Variants in WLS observed in about 807,000 individuals in gnomAD.
WLS encodes the protein Wnt ligand secretion mediator.
Under a neutral mutation model 62.8 loss-of-function variants are expected in WLS, and 23 were observed. The ratio of observed to expected loss-of-function variants is 0.37; its 90% CI spans 0.26 to 0.52. The LOEUF (loss-of-function observed/expected upper bound fraction) is 0.52, where lower values mean the gene tolerates loss of function less well. Among genes scored for constraint, WLS ranks in the 20% least tolerant of loss-of-function variants. The pLI, the probability that WLS is intolerant of heterozygous loss-of-function variation, is 0.92. For synonymous variants in WLS, 246 were observed against 244.1 expected, an observed-to-expected ratio of 1.01 and a Z score of -0.07; for missense variants, 615 against 697.3, an observed-to-expected ratio of 0.88 and a Z score of 1.33.
chr1:68,165,313 G>T (rs1432524332), intron 2 of WLS, among the ~76,000 whole-genome samples: 1 of 152,070 alleles, frequency 6.6e-6, no homozygotes, highest in Non-Finnish European at 1.5e-5. Flanking sequence ...CACTTTTAAA[G>T]GGTCCCACTC....
chr1:68,106,928 A>G (rs1021537622), intron 11 of WLS, among the ~76,000 whole-genome samples: 2 of 152,204 alleles, frequency 1.3e-5, no homozygotes, highest in East Asian at 3.9e-4. Flanking sequence ...AACTAAATGT[A>G]TACCTTACTG....
At chr1:68,164,861 C>G (rs1267464775) in intron 2 of WLS, among the ~76,000 whole-genome samples, 1 of 152,070 alleles carries the variant, frequency 6.6e-6, no homozygotes, top group Admixed American at 6.5e-5. Flanking sequence ...ATATGTAGAC[C>G]CAGGGCTGGA....
At chr1:68,226,715 G>A (rs569219952) in intron 1 of WLS, among the ~76,000 whole-genome samples, 60 of 152,116 alleles carry the variant, frequency 3.9e-4, no homozygotes, top group Middle Eastern at 6.8e-3. Flanking sequence ...ACCCCGTGTC[G>A]GCATGTAGCC....
At chr1:68,101,826 A>G (rs1325135243) in intron 11 of WLS, among the ~76,000 whole-genome samples, 1 of 152,264 alleles carries the variant, frequency 6.6e-6, no homozygotes, top group Non-Finnish European at 1.5e-5. Context: ...TTTAACAAGG[A>G]AAATGATAAA....
intron 1 of WLS, among the ~76,000 whole-genome samples, chr1:68,230,299 A>G (rs1223116937): frequency 3.3e-5 from 5 of 152,162 alleles, no homozygotes; most frequent in Non-Finnish European, 7.3e-5. Flanking sequence ...GACAGGGATA[A>G]TAGGCCAATT....
intron 10 of WLS, chr1:68,142,843 G>T (rs539255413): frequency 6.6e-6 from 1 of 152,272 alleles, no homozygotes; most frequent in South Asian, 2.1e-4. Context: ...TCCTTGGATA[G>T]AATTCAAGGG....
Position 68,154,610 on chromosome 1 carries a change from A to G in WLS, c.666+489T>C, listed in dbSNP as rs183772031. 3.9e-5 allele frequency among the ~76,000 whole-genome samples: 6 copies of G among 152,324 alleles called. No homozygotes were observed. In the East Asian group the frequency reaches 1.2e-3, roughly 29 times the overall value. ...TGATTATTTCTCTAAATAGTAGGAC[A>G]TTACAGGTAATTATTATGCTTTTCT... On this transcript the variant is annotated intron_variant, in intron 4 of 11. Coordinates refer to ENST00000262348, the MANE Select transcript of WLS (RefSeq NM_024911.7).
intron 2 of WLS, among the ~76,000 whole-genome samples, chr1:68,165,246 T>C (rs1350166176): frequency 1.3e-5 from 2 of 152,184 alleles, no homozygotes; most frequent in African/African-American, 4.8e-5. Flanking sequence ...ACACTAGCCT[T>C]AGACACAGGC....
chr1:68,120,325 G>C lies in WLS; in HGVS notation c.1510+17455C>G, dbSNP rs113225396. Among the ~76,000 whole-genome samples, 15 of 152,320 alleles carry C rather than the reference G, an allele frequency of 9.8e-5. 1 individual carries two copies. Among genetic ancestry groups the C allele is most frequent in the African/African-American group, 3.6e-4 (15 of 41,582 alleles). ...GGTTCTGAGGATTTGCTCAGTTATAGATGTCATTCTCGATTTGGCCTGAAG... is the reference window on the plus strand; with the variant it reads ...GGTTCTGAGGATTTGCTCAGTTATACATGTCATTCTCGATTTGGCCTGAAG... On this transcript the variant is annotated intron_variant, in intron 11 of 11. Transcript: ENST00000354777.
chr1:68,145,168 C>CT (rs1250630692), intron 9 of WLS, among the ~76,000 whole-genome samples: 1 of 152,158 alleles, frequency 6.6e-6, no homozygotes, highest in Non-Finnish European at 1.5e-5. Flanking sequence ...AGAGGGAGGC[C>CT]TATTATTCAG....
intron 11 of WLS, among the ~76,000 whole-genome samples, chr1:68,115,689 G>A (rs11209217): frequency 0.026 from 3,989 of 151,132 alleles, 110 homozygotes; most frequent in Middle Eastern, 0.079. Context: ...TTATGAGGGG[G>A]GAATACTTTT....
intron 11 of WLS, among the ~76,000 whole-genome samples, chr1:68,136,849 A>G (rs913683867): frequency 1.3e-5 from 2 of 152,180 alleles, no homozygotes; most frequent in Non-Finnish European, 2.9e-5. Context: ...GGTGAGGCCA[A>G]CCCTTGGCTC....
chr1:68,228,939 A>C lies in WLS; in HGVS notation c.106+3255T>G, dbSNP rs868038349. Among the ~76,000 whole-genome samples the C allele has an allele frequency of 3.4e-5, 5 of 145,886 alleles. No homozygotes were observed. In the Middle Eastern group the frequency reaches 0.015, roughly 432 times the overall value. On this transcript the variant is annotated intron_variant, in intron 1 of 11. Transcript: ENST00000262348. Reference sequence around the variant, plus strand: ...GTAAGAAGGATGTTGAAATAGGAGAATATTTAAGCTGGCTAAACCAAAGCC... The same window carrying C: ...GTAAGAAGGATGTTGAAATAGGAGACTATTTAAGCTGGCTAAACCAAAGCC...
At chr1:68,187,355 T>TA (rs1648024908) in intron 2 of WLS, among the ~76,000 whole-genome samples, 1 of 152,098 alleles carries the variant, frequency 6.6e-6, no homozygotes, top group African/African-American at 2.4e-5. Flanking sequence ...GTATGCCCCC[T>TA]ATTAAGTGCT....
At chr1:68,110,076 TAGA>T (rs1052908032) in intron 11 of WLS, among the ~76,000 whole-genome samples, 37 of 114,460 alleles carry the variant, frequency 3.2e-4, no homozygotes, top group South Asian at 1.1e-3. Context: ...AAAGATAAAA[TAGA>T]AGAACTACCA....
chr1:68,206,359 A>G (rs1026162441), intron 1 of WLS, among the ~76,000 whole-genome samples: 4 of 152,212 alleles, frequency 2.6e-5, no homozygotes, highest in Non-Finnish European at 5.9e-5. Context: ...GTTCTCAGGA[A>G]GGAAATCTGA....
chr1:68,105,294 A>G (rs1646128508), intron 11 of WLS, among the ~76,000 whole-genome samples: 1 of 152,200 alleles, frequency 6.6e-6, no homozygotes, highest in South Asian at 2.1e-4. Flanking sequence ...GAGTGCTTAT[A>G]CTTTGCATAA....
intron 4 of WLS, among the ~76,000 whole-genome samples, chr1:68,154,354 AT>A (rs1410531498): frequency 1.3e-5 from 2 of 152,234 alleles, no homozygotes; most frequent in Non-Finnish European, 2.9e-5. Flanking sequence ...AGTTGCAGAT[AT>A]CCTAGATGGT....
At chr1:68,158,098 C>A (rs1339279075) in intron 3 of WLS, among the ~76,000 whole-genome samples, 1 of 152,174 alleles carries the variant, frequency 6.6e-6, no homozygotes, top group Non-Finnish European at 1.5e-5. Flanking sequence ...AGCAGAGGGT[C>A]TAGGGCAGTG....
Sources: allele counts gnomAD v4.1 joint callset (sites outside exome capture counted in the v4.1 genomes callset), GRCh38; gene constraint gnomAD v4.1.1; transcripts MANE v1.5; gene names NCBI Gene and HGNC (gene_info 2026-07-23, HGNC 2026-07-21).